Variants in RBFOX1 observed in about 807,000 individuals in gnomAD.
RBFOX1 encodes RNA binding fox-1 homolog 1.
In RBFOX1, 8 loss-of-function variants were observed where a neutral mutation model predicts 57.7. That is an observed-to-expected ratio of 0.14 (90% CI 0.08 to 0.25). RBFOX1 has a LOEUF of 0.25. Among genes scored for constraint, RBFOX1 ranks in the 10% least tolerant of loss-of-function variants. The probability of loss-of-function intolerance (pLI) is 1.00; values close to 1 mark genes in which losing one functional copy is unlikely to be tolerated. For missense variants in RBFOX1, 611 were observed against 548.5 expected (o/e 1.11, Z -1.14); for synonymous variants, 326 against 222.4 (o/e 1.47, Z -4.15).
At chr16:7,169,106 A>T (rs1406587574) in intron 4 of RBFOX1, among the ~76,000 whole-genome samples, 1 of 152,230 alleles carries the variant, frequency 6.6e-6, no homozygotes, top group Non-Finnish European at 1.5e-5. Flanking sequence ...GTCTCAGGGC[A>T]GGAAAAATGT....
intron 2 of RBFOX1, among the ~76,000 whole-genome samples, chr16:6,421,271 C>T (rs571150794): frequency 5.9e-5 from 9 of 152,280 alleles, no homozygotes; most frequent in South Asian, 4.1e-4. Flanking sequence ...CATCTGGAGC[C>T]GCTCTCTATG....
chr16:7,072,769 G>T (rs542998855), intron 4 of RBFOX1, among the ~76,000 whole-genome samples: 1 of 152,242 alleles, frequency 6.6e-6, no homozygotes, highest in African/African-American at 2.4e-5. Context: ...ACAGAGCTGT[G>T]ATCCTTCAGA....
intron 2 of RBFOX1, among the ~76,000 whole-genome samples, chr16:6,648,185 A>C (rs893509430): frequency 6.6e-6 from 1 of 151,904 alleles, no homozygotes; most frequent in African/African-American, 2.4e-5. Context: ...AGCTGGGACC[A>C]CAGGTGCATA....
intron 3 of RBFOX1, among the ~76,000 whole-genome samples, chr16:5,857,341 T>A (rs576901870): frequency 6.6e-6 from 1 of 152,156 alleles, no homozygotes; most frequent in South Asian, 2.1e-4. Context: ...GATGTAATAA[T>A]CATGAAAAAA....
At chr16:6,559,610 A>T (rs1350194109) in intron 2 of RBFOX1, among the ~76,000 whole-genome samples, 1 of 133,704 alleles carries the variant, frequency 7.5e-6, no homozygotes, top group African/African-American at 2.7e-5. Context: ...ATGTGTATAT[A>T]TATACATACA....
rs114758533 is a variant in RBFOX1 at position 7,242,659 on chromosome 16, A to C, written c.27+190561A>C. ...CTCAGCATGCAGTCAATTCAGTCCA[A>C]CATCCGTGCTTCGTGATTTGCATCC... is the stretch of plus-strand genomic sequence containing the variant. On this transcript the variant is annotated intron_variant, in intron 4 of 15. Transcript: ENST00000550418. Among the ~76,000 whole-genome samples the C allele has an allele frequency of 4.8e-3, 731 of 152,278 alleles. 10 individuals carry two copies. The highest frequency in any genetic ancestry group is 0.017 in the African/African-American group (705 of 41,550).
At chr16:7,457,318 G>A (rs991609534) in intron 4 of RBFOX1, among the ~76,000 whole-genome samples, 3 of 152,192 alleles carry the variant, frequency 2.0e-5, no homozygotes, top group African/African-American at 7.2e-5. Context: ...TGTGTCCTGG[G>A]TGCTGGGCCT....
intron 1 of RBFOX1, among the ~76,000 whole-genome samples, chr16:5,412,059 C>G (rs1017113643): frequency 1.3e-5 from 2 of 152,148 alleles, no homozygotes; most frequent in Non-Finnish European, 2.9e-5. Flanking sequence ...CACCAAGATG[C>G]AGAATGTCTT....
intron 3 of RBFOX1, among the ~76,000 whole-genome samples, chr16:6,871,272 C>A (rs556011704): frequency 2.6e-5 from 4 of 152,224 alleles, no homozygotes; most frequent in South Asian, 2.1e-4. Context: ...TCTAACCTCC[C>A]CCTCCTGGGT....
intron 3 of RBFOX1, among the ~76,000 whole-genome samples, chr16:6,930,459 G>T (rs755211651): frequency 1.3e-5 from 2 of 152,120 alleles, no homozygotes; most frequent in Non-Finnish European, 2.9e-5. Context: ...ACCCAGGCTG[G>T]AGCGCAGTGG....
chr16:7,543,433 G>A (rs946532337), intron 5 of RBFOX1, among the ~76,000 whole-genome samples: 1 of 152,148 alleles, frequency 6.6e-6, no homozygotes, highest in African/African-American at 2.4e-5. Flanking sequence ...AGGACTGGGT[G>A]GGTTCTAGGC....
chr16:5,525,866 C>T (rs1242747881), intron 2 of RBFOX1, among the ~76,000 whole-genome samples: 1 of 152,058 alleles, frequency 6.6e-6, no homozygotes, highest in Non-Finnish European at 1.5e-5. Context: ...CACCAAGTGG[C>T]AAATTTTTAA....
intron 4 of RBFOX1, among the ~76,000 whole-genome samples, chr16:7,206,805 G>C (rs1465427674): frequency 6.6e-6 from 1 of 152,036 alleles, no homozygotes; most frequent in African/African-American, 2.4e-5. Context: ...GAGAGTGAAA[G>C]GGGCATTTTA....
chr16:6,469,370 G>A (rs935092619), intron 2 of RBFOX1, among the ~76,000 whole-genome samples: 1 of 152,084 alleles, frequency 6.6e-6, no homozygotes, highest in Non-Finnish European at 1.5e-5. Context: ...TCCAGTTGAA[G>A]CCTACCCTAT....
chr16:6,070,698 A>C (rs11642440), intron 1 of RBFOX1, among the ~76,000 whole-genome samples: 8,369 of 152,128 alleles, frequency 0.055, 334 homozygotes, highest in Non-Finnish European at 0.077. Context: ...ATTTGCTCAT[A>C]TGCTGTATAA....
intron 3 of RBFOX1, among the ~76,000 whole-genome samples, chr16:7,035,582 C>T (rs1039685448): frequency 6.6e-6 from 1 of 152,056 alleles, no homozygotes; most frequent in Non-Finnish European, 1.5e-5. Context: ...GAAGGTAAAG[C>T]TCTGCGTTGT....
At chr16:6,761,237 G>T (rs1376658697) in intron 3 of RBFOX1, among the ~76,000 whole-genome samples, 2 of 152,018 alleles carry the variant, frequency 1.3e-5, no homozygotes, top group Non-Finnish European at 2.9e-5. Context: ...GTAATTGGGG[G>T]AAAAAGTAAT....
intron 1 of RBFOX1, among the ~76,000 whole-genome samples, chr16:5,439,044 C>A (rs1051715969): frequency 7.4e-6 from 1 of 135,290 alleles, no homozygotes; most frequent in Non-Finnish European, 1.6e-5. Flanking sequence ...GGGGGGGGGG[C>A]ATAGTGATTT....
intron 3 of RBFOX1, among the ~76,000 whole-genome samples, chr16:6,987,159 G>A (rs1002038702): frequency 6.6e-6 from 1 of 152,074 alleles, no homozygotes; most frequent in Non-Finnish European, 1.5e-5. Flanking sequence ...TCAGAGAGCA[G>A]CATTTTGATA....
Sources: gnomAD v4.1 joint callset for allele counts (sites outside exome capture counted in the v4.1 genomes callset) on GRCh38, gnomAD v4.1.1 for gene constraint, MANE v1.5 for transcripts, NCBI Gene and HGNC (gene_info 2026-07-23, HGNC 2026-07-21) for gene names.